MPP7: variants seen among roughly 807,000 people sequenced by gnomAD.
MPP7 encodes the protein MAGUK p55 scaffold protein 7.
A neutral mutation model predicts 76.5 loss-of-function variants in MPP7; 60 were observed. That is an observed-to-expected ratio of 0.78 (90% CI 0.64 to 0.97). The LOEUF is 0.97. Among genes scored for constraint, MPP7 ranks in the 50% least tolerant of loss-of-function variants. The pLI, the probability that MPP7 is intolerant of heterozygous loss-of-function variation, is 0.00. For missense variants in MPP7, 641 were observed against 694.0 expected, an observed-to-expected ratio of 0.92 and a Z score of 0.86; for synonymous variants, 237 against 244.5, an observed-to-expected ratio of 0.97 and a Z score of 0.29.
chr10:28,263,667 C>G (rs1222424314), intron 1 of MPP7, among the ~76,000 whole-genome samples: 1 of 152,152 alleles, frequency 6.6e-6, no homozygotes, highest in Non-Finnish European at 1.5e-5. Flanking sequence ...GGCCCACGAT[C>G]TGCAAAGAGG....
intron 3 of MPP7, among the ~76,000 whole-genome samples, chr10:28,155,043 GT>G (rs1836006935): frequency 6.6e-6 from 1 of 152,054 alleles, no homozygotes; most frequent in Non-Finnish European, 1.5e-5. Flanking sequence ...CTTGTTTGCA[GT>G]TTACATTTTA....
chr10:28,184,745 A>T (rs951012223), intron 3 of MPP7, among the ~76,000 whole-genome samples: 3 of 147,884 alleles, frequency 2.0e-5, no homozygotes, highest in African/African-American at 7.4e-5. Flanking sequence ...ATAGTAATAT[A>T]ATTAATATAT....
intron 2 of MPP7, among the ~76,000 whole-genome samples, chr10:28,227,490 C>G (rs1211167920): frequency 6.6e-6 from 1 of 152,020 alleles, no homozygotes; most frequent in Non-Finnish European, 1.5e-5. Flanking sequence ...CGACAGGCTC[C>G]AGTGTGTGAT....
At chr10:28,069,883 TG>T in intron 12 of MPP7, 31 bp from the exon 13 acceptor site, 1 of 1,515,022 alleles carries the variant, frequency 6.6e-7, no homozygotes, top group Non-Finnish European at 9.2e-7. Flanking sequence ...AATTCATTAT[TG>T]GACAAAACAC....
intron 1 of MPP7, among the ~76,000 whole-genome samples, chr10:28,266,944 G>T (rs1840166852): frequency 6.6e-6 from 1 of 152,224 alleles, no homozygotes; most frequent in Admixed American, 6.5e-5. Flanking sequence ...ATCCAAGTGT[G>T]CTATCTGCTT....
intron 11 of MPP7, 64 bp from the exon 12 acceptor site, chr10:28,089,905 A>C (rs189043664): frequency 3.1e-5 from 27 of 884,368 alleles, no homozygotes; most frequent in Non-Finnish European, 8.4e-6. Flanking sequence ...CTCAAAAAAA[A>C]AAAACCCTCA....
At chr10:28,317,140 T>G (rs1366265823) in intron 2 of MPP7, among the ~76,000 whole-genome samples, 2 of 152,196 alleles carry the variant, frequency 1.3e-5, no homozygotes, top group Non-Finnish European at 1.5e-5. Flanking sequence ...ACAAAGAGCA[T>G]CCTTGTCATT....
At chr10:28,161,916 G>A (rs1368069414) in intron 3 of MPP7, among the ~76,000 whole-genome samples, 1 of 152,094 alleles carries the variant, frequency 6.6e-6, no homozygotes, top group Non-Finnish European at 1.5e-5. Flanking sequence ...CCAACAGATA[G>A]GTAAAATCTG....
chr10:28,291,353 C>G (rs1010058918), intron 1 of MPP7, among the ~76,000 whole-genome samples: 7 of 152,330 alleles, frequency 4.6e-5, no homozygotes, highest in Admixed American at 6.5e-5. Context: ...CGCCTGTAAT[C>G]CCAGCACTTT....
intron 6 of MPP7, among the ~76,000 whole-genome samples, chr10:28,131,340 G>C (rs1835185735): frequency 6.6e-6 from 1 of 152,092 alleles, no homozygotes; most frequent in Admixed American, 6.5e-5. Flanking sequence ...AATGTCAACA[G>C]GTTACATTTT....
chr10:28,119,590 T>C, intron 11 of MPP7, 61 bp downstream of exon 11: 1 of 1,422,244 alleles, frequency 7.0e-7, no homozygotes, highest in South Asian at 1.2e-5. Flanking sequence ...GAGCACCTGC[T>C]TTAATAGTCA....
intron 13 of MPP7, among the ~76,000 whole-genome samples, chr10:28,062,567 CA>C (rs1851833585): frequency 1.4e-5 from 2 of 141,342 alleles, no homozygotes; most frequent in South Asian, 2.1e-4. Flanking sequence ...CACACACACA[CA>C]CACACACACA....
intron 2 of MPP7, among the ~76,000 whole-genome samples, chr10:28,212,363 G>C (rs1036387867): frequency 6.6e-6 from 1 of 152,040 alleles, no homozygotes; most frequent in South Asian, 2.1e-4. Flanking sequence ...GAGGGACATG[G>C]GGGAAAAAAA....
At chr10:28,277,619 A>C (rs373610128) in intron 1 of MPP7, among the ~76,000 whole-genome samples, 1 of 152,026 alleles carries the variant, frequency 6.6e-6, no homozygotes, top group African/African-American at 2.4e-5. Context: ...GTCCTCTGCA[A>C]ACATGATGTT....
At chr10:28,125,144 TA>T in intron 6 of MPP7, 53 bp from the exon 7 acceptor site, 1 of 1,440,700 alleles carries the variant, frequency 6.9e-7, no homozygotes, top group Non-Finnish European at 9.8e-7. Context: ...TACTAGGTGT[TA>T]GAAAAGGAGG....
chr10:28,228,889 A>T (rs181464847), intron 2 of MPP7, among the ~76,000 whole-genome samples: 2 of 152,216 alleles, frequency 1.3e-5, no homozygotes, highest in Non-Finnish European at 2.9e-5. Flanking sequence ...AAAAAGAATT[A>T]ACCAAACAAG....
intron 1 of MPP7, among the ~76,000 whole-genome samples, chr10:28,247,427 C>G (rs1431683284): frequency 6.6e-6 from 1 of 152,168 alleles, no homozygotes; most frequent in African/African-American, 2.4e-5. Flanking sequence ...ATGTAACACA[C>G]AATGGTTGCA....
Position 28,238,635 on chromosome 10 carries a change from C to T in MPP7, c.-31G>A, listed in dbSNP as rs1326397918. The T allele has an allele frequency of 3.1e-6, 5 of 1,613,416 alleles. No homozygotes were observed. The highest frequency in any genetic ancestry group is 1.1e-5 in the South Asian group (1 of 91,044). ...AAGGTGTAGGAACAGGTCAGCCCAC[C>T]GCTCTCCGGACACCCTGCCTTCGGA... is the stretch of plus-strand genomic sequence containing the variant. On this transcript the variant is annotated 5_prime_UTR_variant, in exon 2 of 17. Transcript: ENST00000683449.
chr10:28,194,307 C>A (rs1028485555), intron 3 of MPP7, among the ~76,000 whole-genome samples: 6 of 152,204 alleles, frequency 3.9e-5, no homozygotes, highest in Non-Finnish European at 2.9e-5. Flanking sequence ...AGCCACCACA[C>A]CTGGCCAGCA....
Sources: allele counts gnomAD v4.1 joint callset (sites outside exome capture counted in the v4.1 genomes callset), GRCh38; gene constraint gnomAD v4.1.1; transcripts MANE v1.5; gene names NCBI Gene and HGNC (gene_info 2026-07-23, HGNC 2026-07-21).